Variants in DLGAP1 observed in about 807,000 individuals in gnomAD.
DLGAP1 encodes disks large-associated protein 1.
DLGAP1 carries 11 observed loss-of-function variants against 90.8 expected under a neutral mutation model. That is an observed-to-expected ratio of 0.12 (90% CI 0.08 to 0.20). The LOEUF (loss-of-function observed/expected upper bound fraction) is 0.20. Among genes scored for constraint, DLGAP1 ranks in the 10% least tolerant of loss-of-function variants. DLGAP1 has a pLI of 1.00. For synonymous variants in DLGAP1, 558 were observed against 540.7 expected (o/e 1.03, Z -0.44); for missense variants, 1,050 against 1,333.8 (o/e 0.79, Z 3.31).
intron 1 of DLGAP1, among the ~76,000 whole-genome samples, chr18:4,213,229 G>C (rs2077883948): frequency 6.6e-6 from 1 of 152,150 alleles, no homozygotes; most frequent in South Asian, 2.1e-4. Context: ...CTCTGAGGGC[G>C]AAGAGAACCA....
intron 4 of DLGAP1, among the ~76,000 whole-genome samples, chr18:3,859,945 A>G (rs530483874): frequency 4.5e-4 from 68 of 152,092 alleles, no homozygotes; most frequent in African/African-American, 1.5e-3. Flanking sequence ...TAAAAATGCA[A>G]AAAATTAGCC....
intron 1 of DLGAP1, among the ~76,000 whole-genome samples, chr18:4,168,176 T>C (rs796524501): frequency 7.9e-5 from 12 of 152,294 alleles, no homozygotes; most frequent in African/African-American, 2.4e-4. Flanking sequence ...TCAATCTACT[T>C]ATATTCAGGC....
intron 7 of DLGAP1, among the ~76,000 whole-genome samples, chr18:3,671,180 G>A (rs1008197300): frequency 8.9e-6 from 1 of 112,918 alleles, no homozygotes; most frequent in Non-Finnish European, 1.7e-5. Context: ...TTTGCTCTTT[G>A]CTGCTTTTTT....
chr18:3,600,616 G>A (rs2145709832), intron 7 of DLGAP1, among the ~76,000 whole-genome samples: 1 of 149,806 alleles, frequency 6.7e-6, no homozygotes, highest in Non-Finnish European at 1.5e-5. Flanking sequence ...TTTCCACAGT[G>A]TGGAATGATG....
At chr18:4,124,014 GA>G (rs2144135055) in intron 2 of DLGAP1, among the ~76,000 whole-genome samples, 1 of 152,276 alleles carries the variant, frequency 6.6e-6, no homozygotes, top group Non-Finnish European at 1.5e-5. Flanking sequence ...TATCATCAAG[GA>G]TGGAAAGTCA....
intron 2 of DLGAP1, among the ~76,000 whole-genome samples, chr18:4,087,742 T>G (rs1315778605): frequency 6.6e-6 from 1 of 152,210 alleles, no homozygotes; most frequent in Non-Finnish European, 1.5e-5. Flanking sequence ...GTGTATTTTT[T>G]TACATTTATA....
At chr18:4,000,092 G>A (rs7235344) in intron 3 of DLGAP1, among the ~76,000 whole-genome samples, 63,527 of 152,058 alleles carry the variant, frequency 0.42, 13,597 homozygotes, top group South Asian at 0.61. Context: ...TGGGATTACA[G>A]GTGTGAACCA....
chr18:4,034,509 A>G (rs144203528), intron 2 of DLGAP1, among the ~76,000 whole-genome samples: 157 of 152,306 alleles, frequency 1.0e-3, no homozygotes, highest in African/African-American at 3.2e-3. Context: ...CCTTTAAACT[A>G]TTCACAAATA....
intron 7 of DLGAP1, among the ~76,000 whole-genome samples, chr18:3,658,842 C>A (rs2059586693): frequency 6.6e-6 from 1 of 152,132 alleles, no homozygotes; most frequent in Non-Finnish European, 1.5e-5. Flanking sequence ...ACAATGTGCT[C>A]TGATCAGTAT....
In DLGAP1 at chr18:3,582,151, T is replaced by A; in HGVS notation, c.1689A>T (p.Thr563=). 2 of 1,614,138 alleles carry A rather than the reference T, an allele frequency of 1.2e-6. No individual in the cohort carries two copies. The highest frequency in any genetic ancestry group is 1.7e-6 in the Non-Finnish European group (2 of 1,180,028). The part of the protein sequence containing the change: ...PFISITAQSS[T]ESAQDAYMDG... ...CCATGTAGGCATCCTGGGCTGACTC[T>A]GTGCTACTCTGGGCTGTGATAGAAA... Residue 563 remains threonine, a synonymous_variant, in exon 8 of 13, where the codon ACA becomes ACT. Coordinates refer to ENST00000315677, the MANE Select transcript of DLGAP1 (RefSeq NM_004746.4).
At chr18:4,212,791 T>A (rs966716039) in intron 1 of DLGAP1, among the ~76,000 whole-genome samples, 1 of 152,110 alleles carries the variant, frequency 6.6e-6, no homozygotes, top group African/African-American at 2.4e-5. Context: ...TTTTACACAG[T>A]ATAAAAATAT....
chr18:3,751,205 G>C (rs540125503), intron 5 of DLGAP1, among the ~76,000 whole-genome samples: 1 of 152,190 alleles, frequency 6.6e-6, no homozygotes. Flanking sequence ...ATCATCTCAT[G>C]AAATGGATGA....
intron 7 of DLGAP1, among the ~76,000 whole-genome samples, chr18:3,672,943 T>C (rs918102424): frequency 2.0e-5 from 3 of 152,220 alleles, no homozygotes; most frequent in Admixed American, 6.5e-5. Flanking sequence ...CTCTTGCCTG[T>C]TGTATTCCAA....
chr18:4,393,557 A>G (rs930078311), intron 1 of DLGAP1, among the ~76,000 whole-genome samples: 3 of 152,216 alleles, frequency 2.0e-5, no homozygotes, highest in African/African-American at 7.2e-5. Flanking sequence ...ATTATTCTGG[A>G]TCTCAACCAT....
chr18:4,118,624 G>A (rs561946681), intron 2 of DLGAP1, among the ~76,000 whole-genome samples: 59 of 147,046 alleles, frequency 4.0e-4, no homozygotes, highest in Admixed American at 3.0e-3. Context: ...TTCCTCCCAT[G>A]GTGAAACTGT....
intron 1 of DLGAP1, among the ~76,000 whole-genome samples, chr18:4,310,928 G>A (rs766136502): frequency 1.5e-4 from 23 of 152,080 alleles, no homozygotes; most frequent in Non-Finnish European, 2.2e-4. Flanking sequence ...ACAGAACACC[G>A]TAGGTGCCTT....
At chr18:3,980,697 T>C (rs376055094) in intron 3 of DLGAP1, among the ~76,000 whole-genome samples, 13 of 152,308 alleles carry the variant, frequency 8.5e-5, no homozygotes, top group African/African-American at 3.1e-4. Flanking sequence ...CATATGCTTA[T>C]TACTGACCAT....
At chr18:4,407,530 C>T (rs867275384) in intron 1 of DLGAP1, among the ~76,000 whole-genome samples, 1 of 152,176 alleles carries the variant, frequency 6.6e-6, no homozygotes, top group Non-Finnish European at 1.5e-5. Context: ...CTTGGCTATG[C>T]TCCCTAGGAG....
At chr18:4,032,347 G>A (rs2074809245) in intron 2 of DLGAP1, among the ~76,000 whole-genome samples, 1 of 152,106 alleles carries the variant, frequency 6.6e-6, no homozygotes, top group South Asian at 2.1e-4. Context: ...TTGATATTGT[G>A]AGAAAACCAG....
Sources: gnomAD v4.1 joint callset for allele counts (sites outside exome capture counted in the v4.1 genomes callset) on GRCh38, gnomAD v4.1.1 for gene constraint, MANE v1.5 for transcripts, NCBI Gene and HGNC (gene_info 2026-07-23, HGNC 2026-07-21) for gene names.